Variants in NRXN1 observed in about 807,000 individuals in gnomAD.
NRXN1 encodes neurexin 1, also known as neurexin-1.
In NRXN1, 39 loss-of-function variants were observed where a neutral mutation model predicts 150.9. The ratio of observed to expected loss-of-function variants is 0.26; its 90% CI spans 0.20 to 0.34. NRXN1 has a LOEUF of 0.34. NRXN1 is among the 10% of genes least tolerant of loss of function. NRXN1 has a pLI of 1.00. For missense variants in NRXN1, 1,815 were observed against 1,949.9 expected, an observed-to-expected ratio of 0.93 and a Z score of 1.30; for synonymous variants, 924 against 757.0, an observed-to-expected ratio of 1.22 and a Z score of -3.62.
intron 2 of NRXN1, among the ~76,000 whole-genome samples, chr2:51,008,224 A>G (rs1276466388): frequency 6.6e-6 from 1 of 151,906 alleles, no homozygotes; most frequent in African/African-American, 2.4e-5. Flanking sequence ...CAAATCAAAC[A>G]AAGAAGAGAG....
chr2:51,026,568 T>C (rs565901103), intron 2 of NRXN1: 18 of 741,144 alleles, frequency 2.4e-5, no homozygotes, highest in Non-Finnish European at 4.0e-5. Flanking sequence ...TGGCCTCCAC[T>C]ACCCAGATAA....
chr2:50,207,596 T>G (rs1251506485), intron 18 of NRXN1: 1 of 166,474 alleles, frequency 6.0e-6, no homozygotes, highest in Non-Finnish European at 1.5e-5. Context: ...CCGTAGCTAC[T>G]ATGTGACGGA....
chr2:50,388,041 T>A (rs900572192), intron 17 of NRXN1, among the ~76,000 whole-genome samples: 3 of 152,160 alleles, frequency 2.0e-5, no homozygotes, highest in African/African-American at 7.2e-5. Flanking sequence ...CACAGCTTCA[T>A]CTTTTACTTG....
chr2:50,632,237 C>A lies in NRXN1; in HGVS notation c.833-8622G>T, dbSNP rs1573891706. 1.3e-5 allele frequency: 2 copies of A among 152,088 alleles called. 1 individual carries two copies. The highest frequency in any genetic ancestry group is 4.8e-5 in the African/African-American group (2 of 41,546). The allele number at this position is 152,088 out of a possible 1,614,324, so 9.4% of individuals were successfully genotyped here. On this transcript the variant is annotated intron_variant, in intron 5 of 22. Coordinates refer to ENST00000401669, the MANE Select transcript of NRXN1 (RefSeq NM_001330078.2). ...CCAATTGCTTCTTTCTCCCTAGAAT[C>A]AGACTGGGGTGGTCTGTAACTCTAA... is the stretch of plus-strand genomic sequence containing the variant.
At chr2:50,104,340 C>T (rs1701360659) in intron 18 of NRXN1, among the ~76,000 whole-genome samples, 2 of 152,106 alleles carry the variant, frequency 1.3e-5, no homozygotes, top group African/African-American at 4.8e-5. Context: ...TCCATTTATA[C>T]ACTTCCCCTG....
At chr2:50,115,258 TA>T (rs1481138824) in intron 18 of NRXN1, among the ~76,000 whole-genome samples, 1 of 147,046 alleles carries the variant, frequency 6.8e-6, no homozygotes, top group Non-Finnish European at 1.5e-5. Context: ...CACACATATA[TA>T]TAATAATACA....
At chr2:50,313,875 G>T (rs1487275789) in intron 17 of NRXN1, among the ~76,000 whole-genome samples, 1 of 152,066 alleles carries the variant, frequency 6.6e-6, no homozygotes, top group Non-Finnish European at 1.5e-5. Flanking sequence ...CAGAATCTGG[G>T]CACAGGGACT....
chr2:50,173,197 A>T (rs1033811418), intron 18 of NRXN1, among the ~76,000 whole-genome samples: 2 of 152,162 alleles, frequency 1.3e-5, no homozygotes, highest in Non-Finnish European at 2.9e-5. Context: ...ATAAAATCCA[A>T]AAGCAAAAAC....
At chr2:50,523,931 A>G (rs917479398) in intron 12 of NRXN1, among the ~76,000 whole-genome samples, 1 of 152,320 alleles carries the variant, frequency 6.6e-6, no homozygotes, top group Admixed American at 6.5e-5. Context: ...AGCCAAAAGT[A>G]CTTGGAAGGT....
intron 17 of NRXN1, among the ~76,000 whole-genome samples, chr2:50,426,494 C>G (rs1357428631): frequency 6.6e-6 from 1 of 152,154 alleles, no homozygotes; most frequent in Admixed American, 6.5e-5. Context: ...TACAGCAACA[C>G]AGTGTATTGT....
At chr2:50,440,876 T>C (rs563734079) in intron 17 of NRXN1, among the ~76,000 whole-genome samples, 4 of 152,312 alleles carry the variant, frequency 2.6e-5, no homozygotes, top group African/African-American at 9.6e-5. Context: ...TTGTTTTTGA[T>C]ATAAGAAGTT....
rs1699869105 is a variant in NRXN1, at chr2:50,093,681, G to T, written c.3547-2187C>A. Among the ~76,000 whole-genome samples the T allele has an allele frequency of 2.0e-5, 3 of 152,006 alleles. No homozygotes were observed. In the South Asian group the frequency reaches 6.2e-4, roughly 32 times the overall value. ...ATTACCCTATCTACATGGACCCTGA[G>T]TTTCCTAACAACCAAACACATACGT... On this transcript the variant is annotated intron_variant, in intron 18 of 22. Coordinates refer to ENST00000401669, the MANE Select transcript of NRXN1 (RefSeq NM_001330078.2).
chr2:50,203,080 G>A (rs2062301901), intron 18 of NRXN1, among the ~76,000 whole-genome samples: 2 of 152,118 alleles, frequency 1.3e-5, no homozygotes, highest in Non-Finnish European at 1.5e-5. Flanking sequence ...AAACTGTGAA[G>A]AGCCTGGAGA....
At chr2:50,406,477 C>A (rs76817738) in intron 17 of NRXN1, among the ~76,000 whole-genome samples, 5,385 of 152,230 alleles carry the variant, frequency 0.035, 329 homozygotes, top group African/African-American at 0.12. Flanking sequence ...CTCCACCCAC[C>A]TTTAATGACC....
chr2:50,381,773 A>T (rs140699652), intron 17 of NRXN1, among the ~76,000 whole-genome samples: 2 of 152,136 alleles, frequency 1.3e-5, no homozygotes, highest in Non-Finnish European at 2.9e-5. Context: ...GCTTAAACTA[A>T]TTGTAGAACC....
chr2:50,380,109 T>A (rs183572245), intron 17 of NRXN1, among the ~76,000 whole-genome samples: 1 of 152,242 alleles, frequency 6.6e-6, no homozygotes, highest in Admixed American at 6.5e-5. Flanking sequence ...AGAATATATA[T>A]TTTTTACTTT....
At chr2:50,756,583 C>T (rs190119495) in intron 5 of NRXN1, among the ~76,000 whole-genome samples, 191 of 151,824 alleles carry the variant, frequency 1.3e-3, no homozygotes, top group African/African-American at 4.4e-3. Flanking sequence ...TTTGCATAAA[C>T]GTGTGCATTG....
At chr2:50,329,577 TAG>T (rs2076610882) in intron 17 of NRXN1, among the ~76,000 whole-genome samples, 1 of 55,370 alleles carries the variant, frequency 1.8e-5, no homozygotes, top group African/African-American at 8.5e-5. Context: ...TATATAACAG[TAG>T]TGTGTGTGTG....
chr2:50,012,716 C>T (rs1195416036), intron 21 of NRXN1, among the ~76,000 whole-genome samples: 1 of 152,108 alleles, frequency 6.6e-6, no homozygotes, highest in Non-Finnish European at 1.5e-5. Context: ...GCACCAAGTT[C>T]TGTACCATGG....
Sources: allele counts gnomAD v4.1 joint callset (sites outside exome capture counted in the v4.1 genomes callset), GRCh38; gene constraint gnomAD v4.1.1; transcripts MANE v1.5; gene names NCBI Gene and HGNC (gene_info 2026-07-23, HGNC 2026-07-21).